ZNF761: variants seen among roughly 807,000 people sequenced by gnomAD.
ZNF761 encodes zinc finger protein 761.
A neutral mutation model predicts 59.9 loss-of-function variants in ZNF761; 43 were observed. The ratio of observed to expected loss-of-function variants is 0.72; its 90% CI spans 0.56 to 0.92. The LOEUF is 0.92. Ranked by LOEUF, ZNF761 falls within the 40% of genes least tolerant of loss-of-function variation. The pLI is 0.00. For missense variants in ZNF761, 850 were observed against 906.1 expected, an observed-to-expected ratio of 0.94 and a Z score of 0.79; for synonymous variants, 294 against 304.8, an observed-to-expected ratio of 0.96 and a Z score of 0.37.
chr19:53,441,438 G>T (rs12976198), intron 1 of ZNF761, among the ~76,000 whole-genome samples: 101,867 of 147,998 alleles, frequency 0.69, 36,139 homozygotes, highest in South Asian at 0.77. Context: ...TTAGTTTCGG[G>T]TTTTTTTGTT....
intron 4 of ZNF761, chr19:53,450,056 G>C: frequency 2.6e-6 from 1 of 381,012 alleles, no homozygotes; most frequent in Non-Finnish European, 4.7e-6. Context: ...TGTAATCCCA[G>C]CACTTTGGGA....
At position 53,455,338 on chromosome 19, in the gene ZNF761, G is replaced by C; in HGVS notation, c.831G>C (p.Lys277Asn). ...ENPYKCNECG[K>N]TFSQTSSLTC... ...CTTACAAGTGTAATGAGTGTGGCAA[G>C]ACCTTCAGTCAGACGTCATCCCTTA... Residue 277 changes from lysine to asparagine, a missense_variant, in exon 5 of 5, where the codon AAG becomes AAC. Transcript: ENST00000684525. The C allele has an allele frequency of 6.2e-7, 1 of 1,614,196 alleles. No individual in the cohort carries two copies. Among genetic ancestry groups the C allele is most frequent in the African/African-American group, 1.3e-5 (1 of 75,056 alleles).
At position 53,441,975 on chromosome 19, in the gene ZNF761, A is replaced by G; in HGVS notation, c.-184-4252A>G. 2.9e-6 allele frequency: 4 copies of G among 1,386,736 alleles called. No individual in the cohort carries two copies. The South Asian group carries it at 3.5e-5, about 12-fold the overall frequency. The allele number at this position is 1,386,736 out of a possible 1,614,324, so 85.9% of individuals were successfully genotyped here. ...CACCTCCAGTGAGAAGCTGAGGGAA[A>G]AAGGTGGGCCTGGGAACAGGCAGAG... On this transcript the variant is annotated intron_variant, in intron 1 of 4. Transcript: ENST00000684525.
chr19:53,451,576 C>A (rs1168116469), intron 4 of ZNF761, among the ~76,000 whole-genome samples: 4 of 151,044 alleles, frequency 2.6e-5, no homozygotes, highest in Non-Finnish European at 4.4e-5. Flanking sequence ...ACTCTTTAGA[C>A]TTCTTTCATT....
intron 4 of ZNF761, among the ~76,000 whole-genome samples, chr19:53,451,918 A>G (rs2086225696): frequency 6.6e-6 from 1 of 152,014 alleles, no homozygotes; most frequent in Non-Finnish European, 1.5e-5. Flanking sequence ...TGTTATTGCT[A>G]TTAGATGGCT....
At chr19:53,450,654 C>T (rs2086213532) in intron 4 of ZNF761, among the ~76,000 whole-genome samples, 1 of 152,050 alleles carries the variant, frequency 6.6e-6, no homozygotes, top group East Asian at 1.9e-4. Flanking sequence ...GCCAAGGCTA[C>T]AGTTCAGTGG....
intron 1 of ZNF761, among the ~76,000 whole-genome samples, chr19:53,439,311 T>C (rs959218664): frequency 1.3e-5 from 2 of 150,648 alleles, no homozygotes; most frequent in African/African-American, 4.9e-5. Flanking sequence ...TTTTTGTTGT[T>C]GTTGTTGTTT....
intron 1 of ZNF761, chr19:53,443,260 C>A (rs1382958513): frequency 6.4e-6 from 1 of 156,922 alleles, no homozygotes; most frequent in African/African-American, 2.4e-5. Context: ...GAGCTGTGAG[C>A]TATTAAGTGC....
At chr19:53,442,345 G>A in intron 1 of ZNF761, 1 of 1,112,502 alleles carries the variant, frequency 9.0e-7, no homozygotes, top group Non-Finnish European at 1.4e-6. Context: ...GAGCAGATCA[G>A]ACTGATGGAC....
In ZNF761 at chr19:53,456,414, G is replaced by A. The variant is rs375030674; in HGVS notation, c.1907G>A (p.Cys636Tyr). Residue 636 changes from cysteine to tyrosine, a missense_variant, in exon 5 of 5, where the codon TGT becomes TAT. By Grantham distance (194) the Cys-to-Tyr change is radical. Transcript: ENST00000684525. ...RLHTGEKPYK[C>Y]EECDKAFRVK... Reference sequence around the variant, plus strand: ...CATACCGGAGAGAAACCTTACAAATGTGAAGAATGTGACAAAGCTTTCCGT... The same window carrying A: ...CATACCGGAGAGAAACCTTACAAATATGAAGAATGTGACAAAGCTTTCCGT... 7.4e-6 allele frequency: 12 copies of A among 1,613,720 alleles called. No individual in the cohort carries two copies. The highest frequency in any genetic ancestry group is 1.7e-5 in the Admixed American group (1 of 59,976).
At chr19:53,453,509 T>G (rs2086238492) in intron 4 of ZNF761, among the ~76,000 whole-genome samples, 1 of 152,186 alleles carries the variant, frequency 6.6e-6, no homozygotes, top group South Asian at 2.1e-4. Flanking sequence ...TTTTACTAAT[T>G]AATTTTTATG....
chr19:53,449,081 C>T (rs551988042), intron 3 of ZNF761, among the ~76,000 whole-genome samples: 101 of 152,238 alleles, frequency 6.6e-4, no homozygotes, highest in African/African-American at 2.1e-3. Context: ...CATGTAATTC[C>T]AGCACTTTGA....
rs1210865082 is a variant in ZNF761 at position 53,454,732 on chromosome 19, A to G, written c.225A>G (p.Gln75=). The G allele has an allele frequency of 1.2e-6, 2 of 1,614,134 alleles. No individual in the cohort carries two copies. The highest frequency in any genetic ancestry group is 2.2e-5 in the South Asian group (2 of 91,070). Reference sequence around the variant, plus strand: ...AAGTGTTCCATGCAGGGACATTGCAAATACATGAAAGTCATCACAATGGAG... The same window carrying G: ...AAGTGTTCCATGCAGGGACATTGCAGATACATGAAAGTCATCACAATGGAG... ...NREVFHAGTL[Q]IHESHHNGDF... Residue 75 remains glutamine, a synonymous_variant, in exon 5 of 5, where the codon CAA becomes CAG. Coordinates refer to ENST00000684525, the MANE Select transcript of ZNF761 (RefSeq NM_001289951.2).
chr19:53,447,992 T>C (rs2086179134), intron 3 of ZNF761, among the ~76,000 whole-genome samples: 1 of 152,184 alleles, frequency 6.6e-6, no homozygotes, highest in Admixed American at 6.5e-5. Flanking sequence ...ATTTTTATTA[T>C]TATGTTATGA....
chr19:53,434,070 C>T (rs2086008421), intron 1 of ZNF761, among the ~76,000 whole-genome samples: 1 of 152,052 alleles, frequency 6.6e-6, no homozygotes. Context: ...CTTGCTGGGC[C>T]AGTAAGTCTA....
At chr19:53,435,767 C>A (rs1269545562) in intron 1 of ZNF761, among the ~76,000 whole-genome samples, 1 of 151,990 alleles carries the variant, frequency 6.6e-6, no homozygotes, top group African/African-American at 2.4e-5. Flanking sequence ...AACAGCAAAA[C>A]AGTGTACAGC....
rs574689517 is a variant in ZNF761 at position 53,454,408 on chromosome 19, CAT to C, written c.143-241_143-240del. Among the ~76,000 whole-genome samples the C allele has an allele frequency of 3.0e-3, 456 of 152,270 alleles. 1 individual carries two copies. The highest frequency in any genetic ancestry group is 0.01 in the African/African-American group (430 of 41,556). ...AAAATATTCCTTACTTTAGGCTACACATGTTTGTGCCCTGTCAATGTTTTGTC... is the reference window on the plus strand; with the variant it reads ...AAAATATTCCTTACTTTAGGCTACACGTTTGTGCCCTGTCAATGTTTTGTC... On this transcript the variant is annotated intron_variant, in intron 4 of 4. Transcript: ENST00000684525.
intron 1 of ZNF761, among the ~76,000 whole-genome samples, chr19:53,436,845 C>A (rs1330671062): frequency 6.6e-6 from 1 of 152,128 alleles, no homozygotes; most frequent in Admixed American, 6.5e-5. Context: ...TAGCATATAC[C>A]CATAGCCTCT....
chr19:53,447,141 C>A, intron 2 of ZNF761, 55 bp from the exon 3 acceptor site: 3 of 1,236,400 alleles, frequency 2.4e-6, no homozygotes, highest in Non-Finnish European at 2.3e-6. Context: ...TGGTTGTGTT[C>A]CACGGAGGTG....
Sources: allele counts gnomAD v4.1 joint callset (sites outside exome capture counted in the v4.1 genomes callset), GRCh38; gene constraint gnomAD v4.1.1; transcripts MANE v1.5; gene names NCBI Gene and HGNC (gene_info 2026-07-23, HGNC 2026-07-21).